The following COL4A1 variants were observed in gnomAD, a reference collection of about 807,000 sequenced individuals.
COL4A1 encodes the protein collagen alpha-1(IV) chain.
COL4A1 carries 40 observed loss-of-function variants against 216.6 expected under a neutral mutation model. The observed-to-expected ratio is 0.18, with a 90% CI of 0.14 to 0.24. The LOEUF is 0.24. COL4A1 is among the 10% of genes least tolerant of loss of function. The pLI is 1.00. For missense variants in COL4A1, 1,628 were observed against 2,196.8 expected (o/e 0.74, Z 5.18); for synonymous variants, 839 against 810.7 (o/e 1.03, Z -0.59).
rs752009614 is a variant in COL4A1, at chr13:110,186,553, C to T, written c.1729G>A (p.Gly577Ser). ...PGLPGPKGSP[G>S]SVGLKGERGP... Reference sequence around the variant, plus strand: ...CGCTCTCCTTTCAATCCTACAGAACCCTGATGTGAGAAGAAGAAAAAGACA... The same window carrying T: ...CGCTCTCCTTTCAATCCTACAGAACTCTGATGTGAGAAGAAGAAAAAGACA... Residue 577 changes from glycine to serine, a missense_variant and splice_region_variant, in exon 26 of 52, where the codon GGT (glycine) becomes AGT (serine). By Grantham distance (56) the Gly-to-Ser change is moderately conservative (BLOSUM62 0). Around this residue, in one of 8 missense-constraint regions of COL4A1, gnomAD observed 701 missense variants for 892.5 expected, o/e 0.79. Transcript: ENST00000375820. 1 of 1,613,960 alleles carries T rather than the reference C, an allele frequency of 6.2e-7. No individual in the cohort carries two copies. Among genetic ancestry groups the T allele is most frequent in the Non-Finnish European group, 8.5e-7 (1 of 1,180,000 alleles).
At position 110,210,177 on chromosome 13, in the gene COL4A1, C is replaced by T. The variant is rs539633643; in HGVS notation, c.504G>A (p.Gly168=). The T allele has an allele frequency of 3.1e-6, 5 of 1,613,904 alleles. No individual in the cohort carries two copies. The East Asian group carries it at 1.1e-4, about 36-fold the overall frequency. The change falls in exon 9 of 52, where the codon GGG becomes GGA. Residue 168 remains glycine, a synonymous_variant. Transcript: ENST00000375820. ...DPGEILGHVP[G]MLLKGERGFP... ...ATCCTCTTTCACCTTTCAACAGCATCCCGGGCACATGGCCAAGTATCTCAC... is the reference window on the plus strand; with the variant it reads ...ATCCTCTTTCACCTTTCAACAGCATTCCGGGCACATGGCCAAGTATCTCAC...
At chr13:110,246,985 G>C (rs931329849) in intron 1 of COL4A1, among the ~76,000 whole-genome samples, 1 of 152,030 alleles carries the variant, frequency 6.6e-6, no homozygotes, top group East Asian at 1.9e-4. Flanking sequence ...CGGGGGTCTC[G>C]GTCTCTCTTA....
intron 6 of COL4A1, 123 bp from the exon 7 acceptor site, chr13:110,212,045 T>C: frequency 2.8e-6 from 3 of 1,072,766 alleles, no homozygotes; most frequent in Non-Finnish European, 4.3e-6. Context: ...CTAAAAACAG[T>C]TTGTCACAAG....
intron 50 of COL4A1, among the ~76,000 whole-genome samples, 186 bp from the exon 51 acceptor site, chr13:110,152,692 T>C (rs899308023): frequency 2.0e-5 from 3 of 152,238 alleles, no homozygotes; most frequent in Admixed American, 2.0e-4. Flanking sequence ...AGTGCCTGCA[T>C]GGCTGGGGCC....
chr13:110,284,649 T>G (rs1883768425), intron 1 of COL4A1, among the ~76,000 whole-genome samples: 1 of 152,202 alleles, frequency 6.6e-6, no homozygotes, highest in Non-Finnish European at 1.5e-5. Context: ...ATATTCCCCA[T>G]AGCTGTCTTC....
At chr13:110,271,430 T>C (rs1883240886) in intron 1 of COL4A1, among the ~76,000 whole-genome samples, 1 of 152,126 alleles carries the variant, frequency 6.6e-6, no homozygotes, top group Admixed American at 6.5e-5. Context: ...TCATCAGGCA[T>C]TGGGGAAACT....
At chr13:110,258,276 G>A (rs1882665808) in intron 1 of COL4A1, among the ~76,000 whole-genome samples, 1 of 152,250 alleles carries the variant, frequency 6.6e-6, no homozygotes, top group Admixed American at 6.5e-5. Context: ...AGTGGCTCAT[G>A]CCTGTAATCC....
chr13:110,283,674 C>G (rs925949471), intron 1 of COL4A1, among the ~76,000 whole-genome samples: 5 of 152,190 alleles, frequency 3.3e-5, no homozygotes, highest in Admixed American at 6.5e-5. Context: ...CACTCATGCA[C>G]ACACCCACAC....
At chr13:110,291,716 T>C (rs1381975476) in intron 1 of COL4A1, among the ~76,000 whole-genome samples, 1 of 152,220 alleles carries the variant, frequency 6.6e-6, no homozygotes, top group East Asian at 1.9e-4. Context: ...CCGGCTTCTT[T>C]AGTGGGTTAT....
intron 51 of COL4A1, 102 bp from the exon 52 acceptor site, chr13:110,150,546 C>A: frequency 8.2e-7 from 1 of 1,213,102 alleles, no homozygotes; most frequent in Non-Finnish European, 1.2e-6. Flanking sequence ...ATCAGCCCAG[C>A]CCCTGGCATC....
chr13:110,162,791 C>T (rs1877146630), intron 47 of COL4A1, among the ~76,000 whole-genome samples: 1 of 152,208 alleles, frequency 6.6e-6, no homozygotes, highest in African/African-American at 2.4e-5. Context: ...TGACTCTGTG[C>T]ATGTCATTCA....
intron 20 of COL4A1, among the ~76,000 whole-genome samples, 158 bp downstream of exon 20, chr13:110,200,696 G>C (rs535808781): frequency 6.6e-6 from 1 of 152,164 alleles, no homozygotes; most frequent in Admixed American, 6.5e-5. Flanking sequence ...TTATCTACAA[G>C]CACTTGTCTA....
chr13:110,176,774 A>G, intron 34 of COL4A1, 50 bp from the exon 35 acceptor site: 1 of 1,613,560 alleles, frequency 6.2e-7, no homozygotes, highest in Non-Finnish European at 8.5e-7. Flanking sequence ...CTTGCAAGCA[A>G]GTTGCTGCAG....
intron 1 of COL4A1, among the ~76,000 whole-genome samples, chr13:110,276,391 A>T (rs7984097): frequency 0.17 from 25,617 of 152,128 alleles, 2,433 homozygotes; most frequent in Admixed American, 0.24. Context: ...GCAGATGTTC[A>T]TGAGCCTCCT....
intron 21 of COL4A1, 86 bp downstream of exon 21, chr13:110,198,381 G>C (rs1323790825): frequency 6.9e-7 from 1 of 1,451,584 alleles, no homozygotes; most frequent in Non-Finnish European, 9.6e-7. Flanking sequence ...TGGCTGTGGG[G>C]GACTATCACA....
chr13:110,204,067 G>A (rs1050787355), intron 17 of COL4A1, among the ~76,000 whole-genome samples: 1 of 152,118 alleles, frequency 6.6e-6, no homozygotes, highest in Non-Finnish European at 1.5e-5. Context: ...TTGCATTGGA[G>A]GTCATAATGT....
At chr13:110,195,146 A>C in intron 21 of COL4A1, 28 bp from the exon 22 acceptor site, 1 of 1,594,036 alleles carries the variant, frequency 6.3e-7, no homozygotes, top group Admixed American at 1.7e-5. Flanking sequence ...GAGTTATAGG[A>C]TCATAGCTAG....
intron 1 of COL4A1, among the ~76,000 whole-genome samples, chr13:110,260,061 G>A (rs539401881): frequency 6.6e-6 from 1 of 152,056 alleles, no homozygotes; most frequent in African/African-American, 2.4e-5. Context: ...CTTCTATCTC[G>A]TGCCATCTCT....
At chr13:110,172,902 C>A (rs1566348698) in intron 40 of COL4A1, 132 bp from the exon 41 acceptor site, 1 of 764,922 alleles carries the variant, frequency 1.3e-6, no homozygotes, top group Admixed American at 1.9e-5. Context: ...GTTAATTGCA[C>A]CCTTGTAATA....
Sources: allele counts gnomAD v4.1 joint callset (sites outside exome capture counted in the v4.1 genomes callset), GRCh38; gene constraint gnomAD v4.1.1; regional missense constraint gnomAD v4.1.1; transcripts MANE v1.5; gene names NCBI Gene and HGNC (gene_info 2026-07-23, HGNC 2026-07-21).